The following ANKS1B variants were observed in gnomAD, a reference collection of about 807,000 sequenced individuals.
ANKS1B encodes the protein ankyrin repeat and sterile alpha motif domain containing 1B, also known as ankyrin repeat and sterile alpha motif domain-containing protein 1B.
Under a neutral mutation model 148.3 loss-of-function variants are expected in ANKS1B, and 36 were observed. That is an observed-to-expected ratio of 0.24 (90% CI 0.19 to 0.32). The LOEUF (loss-of-function observed/expected upper bound fraction) is 0.32. Ranked by LOEUF, ANKS1B falls within the 10% of genes least tolerant of loss-of-function variation. ANKS1B has a pLI of 1.00. For missense variants in ANKS1B, 1,157 were observed against 1,542.6 expected (o/e 0.75, Z 4.19); for synonymous variants, 542 against 560.8 (o/e 0.97, Z 0.47).
chr12:99,377,253 G>A (rs557738282), intron 12 of ANKS1B, among the ~76,000 whole-genome samples: 2 of 152,004 alleles, frequency 1.3e-5, no homozygotes, highest in African/African-American at 4.8e-5. Context: ...TGATCTGCCC[G>A]CCTCAGCCTC....
chr12:99,910,354 C>CAAA (rs57222450), intron 1 of ANKS1B, among the ~76,000 whole-genome samples: 11,382 of 50,654 alleles, frequency 0.22, 1,821 homozygotes, highest in Non-Finnish European at 0.27. Flanking sequence ...GACTCCATCT[C>CAAA]AAAAAAAAAA....
chr12:99,895,605 A>G (rs2093353297), intron 1 of ANKS1B, among the ~76,000 whole-genome samples: 1 of 151,136 alleles, frequency 6.6e-6, no homozygotes, highest in African/African-American at 2.4e-5. Flanking sequence ...AATAATTCAA[A>G]AAACTACCCC....
intron 26 of ANKS1B, among the ~76,000 whole-genome samples, chr12:98,750,190 G>A (rs1028871946): frequency 3.3e-5 from 5 of 152,180 alleles, no homozygotes; most frequent in South Asian, 4.1e-4. Flanking sequence ...GTTGGGTTGG[G>A]TCAGTGCTGA....
chr12:98,745,813 G>C lies in ANKS1B; in HGVS notation c.3784C>G (p.Leu1262Val). The stretch of plus-strand genomic sequence containing the variant: ...TGGCCCGGCTCCACAATCCACGGTA[G>C]ATTGGCCAGAGTCTTTTGCTCAGAT... ...DPSEQKTLAN[L>V]PWIVEPGQEA... Residue 1262 changes from leucine to valine, a missense_variant, in exon 27 of 27, where the codon CTA becomes GTA. Coordinates refer to ENST00000683438, the MANE Select transcript of ANKS1B (RefSeq NM_001352186.2). The C allele has an allele frequency of 1.2e-6, 2 of 1,613,592 alleles. No homozygotes were observed. Among genetic ancestry groups the C allele is most frequent in the Non-Finnish European group, 1.7e-6 (2 of 1,179,694 alleles).
At chr12:99,336,510 G>T (rs757663224) in intron 12 of ANKS1B, among the ~76,000 whole-genome samples, 1 of 151,940 alleles carries the variant, frequency 6.6e-6, no homozygotes, top group African/African-American at 2.4e-5. Context: ...GACATTAGAT[G>T]TATGTCTTTA....
rs555839755 is a variant in ANKS1B at position 99,317,061 on chromosome 12, G to T, written c.1757-70197C>A. On this transcript the variant is annotated intron_variant, in intron 12 of 26. Coordinates refer to ENST00000683438, the MANE Select transcript of ANKS1B (RefSeq NM_001352186.2). Reference sequence around the variant, plus strand: ...TTGGTACCAGTACCATGCTGTTTTGGTTACTGTAGCCTTGTAGTATAATTT... The same window carrying T: ...TTGGTACCAGTACCATGCTGTTTTGTTTACTGTAGCCTTGTAGTATAATTT... 1.1e-4 allele frequency among the ~76,000 whole-genome samples: 16 copies of T among 152,264 alleles called. No individual in the cohort carries two copies. In the South Asian group the frequency reaches 3.1e-3, roughly 30 times the overall value.
At chr12:99,698,668 G>T (rs1483853679) in intron 8 of ANKS1B, among the ~76,000 whole-genome samples, 1 of 152,036 alleles carries the variant, frequency 6.6e-6, no homozygotes, top group Admixed American at 6.6e-5. Flanking sequence ...TTAAGCCTCG[G>T]GTTTATGAAT....
intron 10 of ANKS1B, among the ~76,000 whole-genome samples, chr12:99,492,395 T>C: frequency 6.6e-6 from 1 of 152,052 alleles, no homozygotes; most frequent in East Asian, 1.9e-4. Context: ...AGCTCCAAAA[T>C]TGAATTAGGA....
chr12:99,907,514 A>G (rs369064919), intron 1 of ANKS1B, among the ~76,000 whole-genome samples: 8 of 152,198 alleles, frequency 5.3e-5, no homozygotes, highest in South Asian at 2.1e-4. Context: ...CCAGTTCTCT[A>G]TATTTTGTCA....
At chr12:99,541,747 T>C (rs959716508) in intron 9 of ANKS1B, among the ~76,000 whole-genome samples, 1 of 151,804 alleles carries the variant, frequency 6.6e-6, no homozygotes, top group African/African-American at 2.4e-5. Flanking sequence ...CACAGCTACT[T>C]GGGAGGCTGA....
At chr12:99,679,013 GAATTTT>G (rs2098598540) in intron 8 of ANKS1B, among the ~76,000 whole-genome samples, 1 of 152,114 alleles carries the variant, frequency 6.6e-6, no homozygotes, top group African/African-American at 2.4e-5. Flanking sequence ...AAGAACTCTT[GAATTTT>G]AAAGTTCAGT....
chr12:99,743,600 A>T (rs918467837), intron 8 of ANKS1B, among the ~76,000 whole-genome samples: 1 of 152,198 alleles, frequency 6.6e-6, no homozygotes, highest in African/African-American at 2.4e-5. Context: ...AGGTACCTTT[A>T]TGCTGAATAA....
At chr12:99,558,613 G>A (rs185957415) in intron 9 of ANKS1B, among the ~76,000 whole-genome samples, 2 of 152,146 alleles carry the variant, frequency 1.3e-5, no homozygotes, top group African/African-American at 4.8e-5. Flanking sequence ...GCCAGTGAAG[G>A]AGCTATGATG....
intron 17 of ANKS1B, among the ~76,000 whole-genome samples, chr12:98,998,748 A>T (rs1282096140): frequency 1.3e-5 from 2 of 152,236 alleles, no homozygotes; most frequent in Non-Finnish European, 2.9e-5. Context: ...ATATACTAAT[A>T]TATTCACATA....
At chr12:98,773,629 A>G (rs1448635436) in intron 24 of ANKS1B, among the ~76,000 whole-genome samples, 2 of 152,022 alleles carry the variant, frequency 1.3e-5, no homozygotes, top group African/African-American at 4.8e-5. Context: ...TAATTTTTGT[A>G]TTTTTAGTAG....
chr12:99,767,053 G>C (rs773447472), intron 8 of ANKS1B, among the ~76,000 whole-genome samples: 4 of 151,876 alleles, frequency 2.6e-5, no homozygotes, highest in African/African-American at 4.8e-5. Context: ...TCCAAAAGTA[G>C]GGACCTCACT....
At chr12:99,936,330 C>T (rs1040875486) in intron 1 of ANKS1B, among the ~76,000 whole-genome samples, 13 of 152,136 alleles carry the variant, frequency 8.5e-5, no homozygotes, top group Admixed American at 2.6e-4. Flanking sequence ...TGTCTCCAAA[C>T]GTTATGCTAC....
intron 8 of ANKS1B, among the ~76,000 whole-genome samples, chr12:99,741,596 C>T (rs994626814): frequency 2.6e-5 from 4 of 151,934 alleles, no homozygotes; most frequent in Non-Finnish European, 5.9e-5. Context: ...TCCTTTGCAG[C>T]GACATGGATG....
chr12:99,775,614 G>C lies in ANKS1B; in HGVS notation c.895C>G (p.Gln299Glu), dbSNP rs2063577831. The part of the protein sequence containing the change: ...GRSTVLEEPV[Q>E]EDATQETHIS... ...TGTGTTTCTTGTGTTGCATCTTCCT[G>C]TACAGGCTCTTCGAGGACTGTAGAT... The change falls in exon 7 of 27, where the codon CAG (glutamine) becomes GAG (glutamate). Residue 299 changes from glutamine (Q) to glutamate (E), a missense_variant. Gln to Glu is a conservative substitution (Grantham distance 29). Transcript: ENST00000683438. The C allele has an allele frequency of 6.2e-7, 1 of 1,612,552 alleles. No homozygotes were observed. Among genetic ancestry groups the C allele is most frequent in the Non-Finnish European group, 8.5e-7 (1 of 1,178,964 alleles).
Sources: allele counts gnomAD v4.1 joint callset (sites outside exome capture counted in the v4.1 genomes callset), GRCh38; gene constraint gnomAD v4.1.1; transcripts MANE v1.5; gene names NCBI Gene and HGNC (gene_info 2026-07-23, HGNC 2026-07-21).